Variants in BCOR observed in about 807,000 individuals in gnomAD.
BCOR encodes BCL6 corepressor, also known as BCL-6 corepressor.
Under a neutral mutation model 86.7 loss-of-function variants are expected in BCOR, and 10 were observed. That is an observed-to-expected ratio of 0.12 (90% CI 0.07 to 0.20). The LOEUF (loss-of-function observed/expected upper bound fraction) is 0.20, where lower values mean the gene tolerates loss of function less well. Among genes scored for constraint, BCOR ranks in the 10% least tolerant of loss-of-function variants. The pLI is 1.00. For synonymous variants in BCOR, 611 were observed against 609.0 expected (o/e 1.00, Z -0.05); for missense variants, 1,259 against 1,452.1 (o/e 0.87, Z 2.16).
Position 40,090,938 on chromosome X carries a change from T to G in BCOR, c.-41+6277A>C, listed in dbSNP as rs768021489. On this transcript the variant is annotated intron_variant, in intron 1 of 14. Transcript: ENST00000378444. ...CCTCTCCTCTCCCTCTAAGTTCCTA[T>G]TAGCATTGAAAGATCCTAGTGACTT... Among the ~76,000 whole-genome samples the G allele has an allele frequency of 2.7e-5, 3 of 111,751 alleles. No homozygotes were observed. In the South Asian group the frequency reaches 1.1e-3, roughly 42 times the overall value.
intron 1 of BCOR, among the ~76,000 whole-genome samples, chrX:40,164,026 A>G (rs1227422204): frequency 2.1e-5 from 2 of 96,320 alleles, no homozygotes; most frequent in Non-Finnish European, 4.1e-5. Context: ...TCCATCTCAG[A>G]AAAAAAAAAA....
chrX:40,074,962 T>A lies in BCOR; in HGVS notation c.384A>T (p.Thr128=). 8.3e-7 allele frequency: 1 copy of A among 1,210,416 alleles called. No individual in the cohort carries two copies. Among genetic ancestry groups the A allele is most frequent in the Non-Finnish European group, 1.1e-6 (1 of 895,050 alleles). Residue 128 remains threonine (T), a synonymous_variant, in exon 4 of 15, where the codon ACA becomes ACT. Coordinates refer to ENST00000378444, the MANE Select transcript of BCOR (RefSeq NM_001123385.2). The part of the protein sequence containing the change: ...RNPEMQFKPN[T]PETVEASAVS... ...CGGCAGAAGCCTCCACTGTCTCGGGTGTATTCGGTTTGAACTGCATCTCTG... is the reference window on the plus strand; with the variant it reads ...CGGCAGAAGCCTCCACTGTCTCGGGAGTATTCGGTTTGAACTGCATCTCTG...
At chrX:40,135,138 G>C (rs1212626119) in intron 1 of BCOR, among the ~76,000 whole-genome samples, 1 of 111,616 alleles carries the variant, frequency 9.0e-6, no homozygotes, top group Non-Finnish European at 1.9e-5. Flanking sequence ...GCGAATCTTT[G>C]GCCAGCTCAT....
intron 1 of BCOR, among the ~76,000 whole-genome samples, chrX:40,169,497 G>A (rs1008904452): frequency 5.4e-5 from 6 of 111,344 alleles, no homozygotes; most frequent in African/African-American, 2.0e-4. Context: ...AACAGTCTTG[G>A]TACCTCCTAA....
intron 2 of BCOR, chrX:40,076,976 G>C (rs1398447342): frequency 3.3e-6 from 1 of 307,439 alleles, no homozygotes; most frequent in Non-Finnish European, 6.2e-6. Context: ...CCACTTCCGT[G>C]TTACCCAGGA....
intron 1 of BCOR, among the ~76,000 whole-genome samples, chrX:40,171,914 C>T (rs918841640): frequency 3.5e-5 from 4 of 112,850 alleles, no homozygotes; most frequent in African/African-American, 1.3e-4. Context: ...TGCGCTCTCT[C>T]CCTCGGCTCG....
At chrX:40,068,695 A>G (rs1935319417) in intron 6 of BCOR, among the ~76,000 whole-genome samples, 2 of 113,181 alleles carry the variant, frequency 1.8e-5, no homozygotes, top group Non-Finnish European at 1.9e-5. Flanking sequence ...CGTGTTCCCT[A>G]CCCCATCTTC....
In BCOR at chrX:40,075,007, C is replaced by A. The variant is rs761184424; in HGVS notation, c.339G>T (p.Gly113=). 1 of 1,208,416 alleles carries A rather than the reference C, an allele frequency of 8.3e-7. No homozygotes were observed. Among genetic ancestry groups the A allele is most frequent in the Non-Finnish European group, 1.1e-6 (1 of 893,736 alleles). ...TCTCTGGATTTCTTTCCGAAGAAAA[C>A]CCAAGGCCACCTAGAGTGCTTGTGG... is the stretch of plus-strand genomic sequence containing the variant. ...EAATSTLGGL[G]FSSERNPEMQ... Residue 113 remains glycine (G), a synonymous_variant, in exon 4 of 15, where the codon GGG becomes GGT. Transcript: ENST00000378444.
Position 40,062,848 on chromosome X carries a change from T to G in BCOR, c.4071A>C (p.Pro1357=). The part of the protein sequence containing the change: ...LQKYTDNSEK[P]SGKRLCKTKH... Reference sequence around the variant, plus strand: ...TGGTTTTGCACAGTCTCTTCCCGGATGGCTTCTCGCTGTTGTCGGTGTATT... The same window carrying G: ...TGGTTTTGCACAGTCTCTTCCCGGAGGGCTTCTCGCTGTTGTCGGTGTATT... The change falls in exon 9 of 15, where the codon CCA becomes CCC. Residue 1357 remains proline, a synonymous_variant. Transcript: ENST00000378444. The G allele has an allele frequency of 1.7e-6, 2 of 1,211,854 alleles. No homozygotes were observed. Among genetic ancestry groups the G allele is most frequent in the Non-Finnish European group, 2.2e-6 (2 of 895,429 alleles).
At chrX:40,163,319 T>A (rs759801141) in intron 1 of BCOR, among the ~76,000 whole-genome samples, 1 of 111,522 alleles carries the variant, frequency 9.0e-6, no homozygotes, top group African/African-American at 3.3e-5. Flanking sequence ...TCTCCCTCAG[T>A]CCTTCCCACA....
intron 1 of BCOR, among the ~76,000 whole-genome samples, chrX:40,170,613 G>C (rs1486227004): frequency 2.7e-5 from 3 of 111,783 alleles, no homozygotes; most frequent in African/African-American, 6.5e-5. Context: ...CTCCCAAAGT[G>C]CTAGGATTAC....
chrX:40,059,671 C>T (rs1264731231), intron 10 of BCOR, among the ~76,000 whole-genome samples: 1 of 113,193 alleles, frequency 8.8e-6, no homozygotes, highest in Non-Finnish European at 1.9e-5. Context: ...GCAGCCCGCC[C>T]ATTCCCAAAC....
intron 1 of BCOR, among the ~76,000 whole-genome samples, chrX:40,093,832 C>T (rs1182838335): frequency 8.9e-6 from 1 of 111,762 alleles, no homozygotes; most frequent in Non-Finnish European, 1.9e-5. Flanking sequence ...CGCATGAATT[C>T]TCTTTGGGAA....
At position 40,176,701 on chromosome X, in the gene BCOR, G is replaced by T. The variant is rs771639368; in HGVS notation, c.-41+306C>A. On this transcript the variant is annotated intron_variant, in intron 1 of 14. Transcript: ENST00000342274. ...CGCGCTCCTCCCTCGCTCCGGGCTC[G>T]GGGAGCCGCTCGCTCCCAGCGCCCA... Among the ~76,000 whole-genome samples, 280 of 110,439 alleles carry T rather than the reference G, an allele frequency of 2.5e-3. 1 individual carries two copies. Among genetic ancestry groups the T allele is most frequent in the African/African-American group, 8.9e-3 (271 of 30,379 alleles).
intron 1 of BCOR, among the ~76,000 whole-genome samples, chrX:40,109,694 G>C (rs1184205386): frequency 8.9e-6 from 1 of 112,683 alleles, no homozygotes; most frequent in East Asian, 2.8e-4. Context: ...GGAGCTGCCC[G>C]AGGCCGCCGG....
At chrX:40,092,860 AGT>A (rs1481250171) in intron 1 of BCOR, among the ~76,000 whole-genome samples, 2 of 112,478 alleles carry the variant, frequency 1.8e-5, no homozygotes, top group Non-Finnish European at 3.8e-5. Flanking sequence ...CCTGTGAATA[AGT>A]GTGTGAATGT....
intron 1 of BCOR, among the ~76,000 whole-genome samples, chrX:40,144,491 G>A (rs1300639606): frequency 8.9e-6 from 1 of 111,897 alleles, no homozygotes; most frequent in African/African-American, 3.3e-5. Flanking sequence ...TTGTTAGGTG[G>A]ATCATTGCGG....
intron 1 of BCOR, among the ~76,000 whole-genome samples, chrX:40,106,013 T>A (rs918849485): frequency 3.6e-5 from 4 of 112,058 alleles, no homozygotes; most frequent in African/African-American, 1.3e-4. Flanking sequence ...CGGGAGTAGG[T>A]CATGGCGGCA....
At chrX:40,133,660 C>CCT (rs1426814664) in intron 1 of BCOR, among the ~76,000 whole-genome samples, 1 of 108,651 alleles carries the variant, frequency 9.2e-6, no homozygotes, top group African/African-American at 3.4e-5. Flanking sequence ...CGGGGTTTCA[C>CCT]TGTACTAGCC....
Sources: gnomAD v4.1 joint callset for allele counts (sites outside exome capture counted in the v4.1 genomes callset) on GRCh38, gnomAD v4.1.1 for gene constraint, MANE v1.5 for transcripts, NCBI Gene and HGNC (gene_info 2026-07-23, HGNC 2026-07-21) for gene names.